Variants in ZBTB38 observed in about 807,000 individuals in gnomAD.
ZBTB38 encodes the protein zinc finger and BTB domain containing 38.
A neutral mutation model predicts 76.8 loss-of-function variants in ZBTB38; 20 were observed. The ratio of observed to expected loss-of-function variants is 0.26; its 90% CI spans 0.18 to 0.38. ZBTB38 has a LOEUF of 0.38. ZBTB38 is among the 10% of genes least tolerant of loss of function. ZBTB38 has a pLI of 1.00. For synonymous variants in ZBTB38, 504 were observed against 544.2 expected (o/e 0.93, Z 1.03); for missense variants, 1,082 against 1,482.3 (o/e 0.73, Z 4.43).
At chr3:141,435,311 T>C (rs1398473737) in intron 5 of ZBTB38, among the ~76,000 whole-genome samples, 2 of 152,212 alleles carry the variant, frequency 1.3e-5, no homozygotes, top group Non-Finnish European at 1.5e-5. Context: ...CTCTCAAGTG[T>C]CCTGTTTTGG....
intron 1 of ZBTB38, among the ~76,000 whole-genome samples, chr3:141,355,335 T>A (rs949868285): frequency 3.9e-5 from 6 of 152,164 alleles, no homozygotes; most frequent in Non-Finnish European, 7.3e-5. Context: ...TCCTGATTAC[T>A]GGGTCTTCCT....
At chr3:141,331,699 G>A (rs781415456) in intron 1 of ZBTB38, among the ~76,000 whole-genome samples, 1 of 152,238 alleles carries the variant, frequency 6.6e-6, no homozygotes, top group Non-Finnish European at 1.5e-5. Context: ...ATAGTAAGCT[G>A]AGGCTGAGCC....
intron 4 of ZBTB38, among the ~76,000 whole-genome samples, chr3:141,398,218 C>T (rs1351959499): frequency 6.6e-6 from 1 of 151,832 alleles, no homozygotes; most frequent in Non-Finnish European, 1.5e-5. Flanking sequence ...TAAACTGGGG[C>T]CCTATTGGCC....
At chr3:141,329,542 A>T (rs1576628047) in intron 1 of ZBTB38, among the ~76,000 whole-genome samples, 1 of 152,242 alleles carries the variant, frequency 6.6e-6, no homozygotes, top group African/African-American at 2.4e-5. Flanking sequence ...CAATCAACGT[A>T]TATAAGCACA....
intron 5 of ZBTB38, among the ~76,000 whole-genome samples, chr3:141,410,992 A>G (rs1392568980): frequency 2.6e-5 from 4 of 152,168 alleles, no homozygotes; most frequent in Non-Finnish European, 5.9e-5. Context: ...GGCTTTGTGC[A>G]AGGTGAGACA....
intron 5 of ZBTB38, among the ~76,000 whole-genome samples, chr3:141,412,586 T>G (rs1004892003): frequency 1.3e-5 from 2 of 152,290 alleles, no homozygotes; most frequent in South Asian, 2.1e-4. Flanking sequence ...TTTAATTATT[T>G]TTTAATGTAG....
At position 141,369,956 on chromosome 3, in the gene ZBTB38, A is replaced by G. The variant is rs1206970737; in HGVS notation, c.-235+10A>G. On this transcript the variant is annotated intron_variant, in intron 2 of 5. Transcript: ENST00000321464. ...TGTGACCACTAATTTGGTAAGTGTC[A>G]TTTGTCCCCAACAGCTACTTAAATT... 6.6e-6 allele frequency: 1 copy of G among 152,208 alleles called. No individual in the cohort carries two copies. Among genetic ancestry groups the G allele is most frequent in the African/African-American group, 2.4e-5 (1 of 41,448 alleles). 9.4% of individuals were successfully genotyped at this position (152,208 alleles called of 1,614,324 possible).
In ZBTB38 at chr3:141,444,101, GA is replaced by G; in HGVS notation, c.1716del (p.Lys572AsnfsTer24). 1 of 1,613,960 alleles carries G rather than the reference GA, an allele frequency of 6.2e-7. No individual in the cohort carries two copies. Among genetic ancestry groups the G allele is most frequent in the Non-Finnish European group, 8.5e-7 (1 of 1,179,988 alleles). ...PYKLYRLLPM[K>X]CKRAPYKSYR... ...ATAAACTTTATAGGCTACTGCCTAT[GA>G]AATGCAAGAGAGCCCCTTATAAGAG... On this transcript the variant is annotated frameshift_variant, in exon 6 of 6. Coordinates refer to ENST00000321464, the MANE Select transcript of ZBTB38 (RefSeq NM_001376113.1). LOFTEE classifies it high-confidence loss of function. This position sits in a 1 kb window ranked among gnomAD's most constrained non-coding sequence, Gnocchi z 5.1.
intron 1 of ZBTB38, among the ~76,000 whole-genome samples, chr3:141,347,204 G>A (rs1943389050): frequency 6.6e-6 from 1 of 152,186 alleles, no homozygotes; most frequent in Non-Finnish European, 1.5e-5. Flanking sequence ...TGCTCCTAGT[G>A]TTAGGGTTAC....
intron 1 of ZBTB38, among the ~76,000 whole-genome samples, chr3:141,346,907 C>T (rs548633357): frequency 2.6e-5 from 4 of 151,784 alleles, no homozygotes; most frequent in South Asian, 2.1e-4. Context: ...CTGTCTACTA[C>T]GAATGTTTTA....
At chr3:141,381,603 C>T (rs1263071354) in intron 3 of ZBTB38, 116 bp downstream of exon 3, 2 of 152,244 alleles carry the variant, frequency 1.3e-5, no homozygotes, top group African/African-American at 4.8e-5. Flanking sequence ...ATATCATTCA[C>T]CCAACCCTTC....
intron 1 of ZBTB38, among the ~76,000 whole-genome samples, chr3:141,354,534 C>G (rs1481982776): frequency 6.6e-6 from 1 of 152,080 alleles, no homozygotes; most frequent in Non-Finnish European, 1.5e-5. Context: ...AAAGTTTCCT[C>G]CTAGAAGCTC....
chr3:141,416,596 A>G (rs1446997865), intron 5 of ZBTB38, among the ~76,000 whole-genome samples: 5 of 152,312 alleles, frequency 3.3e-5, no homozygotes, highest in African/African-American at 2.4e-5. Context: ...AATGGGTTGA[A>G]TGGCTGCACC....
At chr3:141,379,477 T>A (rs140767717) in intron 2 of ZBTB38, among the ~76,000 whole-genome samples, 3 of 152,284 alleles carry the variant, frequency 2.0e-5, no homozygotes, top group Non-Finnish European at 4.4e-5. Flanking sequence ...AGCTTCCAAC[T>A]GTGCCTTAGT....
At chr3:141,364,054 G>A (rs547185663), upstream of ZBTB38, among the ~76,000 whole-genome samples, 33 of 152,118 alleles carry the variant, frequency 2.2e-4, no homozygotes, top group African/African-American at 7.9e-4. Context: ...TAGACAGGGA[G>A]ATAATATTGT....
At position 141,446,746 on chromosome 3, in the gene ZBTB38, T is replaced by G. The variant is rs535972871; in HGVS notation, c.*770T>G. 6.5e-6 allele frequency: 1 copy of G among 152,794 alleles called. No homozygotes were observed. The highest frequency in any genetic ancestry group is 1.9e-4 in the East Asian group (1 of 5,192). 9.5% of individuals were successfully genotyped at this position (152,794 alleles called of 1,614,324 possible). A position where few individuals can be genotyped will look rare whatever the true frequency, so the allele number is the denominator to read the frequency against. On this transcript the variant is annotated 3_prime_UTR_variant, in exon 6 of 6. Transcript: ENST00000321464. ...TGCTTTTAGATGGAATGCTGTTCCC[T>G]TGAAGTTATGGCTGAGCTGTTCTTA...
At chr3:141,379,209 G>T (rs946799521) in intron 2 of ZBTB38, among the ~76,000 whole-genome samples, 32 of 152,120 alleles carry the variant, frequency 2.1e-4, no homozygotes, top group African/African-American at 7.5e-4. Flanking sequence ...TAAATTTATT[G>T]TGAGCTGCCT....
At chr3:141,411,359 T>C (rs1193831272) in intron 5 of ZBTB38, among the ~76,000 whole-genome samples, 1 of 152,212 alleles carries the variant, frequency 6.6e-6, no homozygotes, top group Non-Finnish European at 1.5e-5. Flanking sequence ...ACCTATTTAG[T>C]CTGGTCTTAT....
At chr3:141,440,643 T>C (rs1292438099) in intron 5 of ZBTB38, among the ~76,000 whole-genome samples, 1 of 152,210 alleles carries the variant, frequency 6.6e-6, no homozygotes, top group East Asian at 1.9e-4. Context: ...CAGAGGGTTT[T>C]TTTGTGTGTG....
Sources: allele counts gnomAD v4.1 joint callset (sites outside exome capture counted in the v4.1 genomes callset), GRCh38; gene constraint gnomAD v4.1.1; non-coding constraint Gnocchi (gnomAD v3.1); transcripts MANE v1.5; gene names NCBI Gene and HGNC (gene_info 2026-07-23, HGNC 2026-07-21).